Variants in NGF observed in about 807,000 individuals in gnomAD.
The protein encoded by NGF is beta-nerve growth factor.
NGF carries 4 observed loss-of-function variants against 12.8 expected under a neutral mutation model. The ratio of observed to expected loss-of-function variants is 0.31; its 90% confidence interval spans 0.15 to 0.72. The LOEUF (loss-of-function observed/expected upper bound fraction) is 0.72. Among genes scored for constraint, NGF ranks in the 30% least tolerant of loss-of-function variants. The pLI, the probability that NGF is intolerant of heterozygous loss-of-function variation, is 0.69. For synonymous variants in NGF, 140 were observed against 130.0 expected (o/e 1.08, Z -0.52); for missense variants, 283 against 330.8 (o/e 0.86, Z 1.12).
At chr1:115,301,293 C>T (rs564627379) in intron 1 of NGF, among the ~76,000 whole-genome samples, 22 of 152,174 alleles carry the variant, frequency 1.4e-4, no homozygotes, top group African/African-American at 4.8e-4. Flanking sequence ...ACACAATCAC[C>T]GCACTTCTCA....
At chr1:115,321,627 T>C (rs1364377034) in intron 1 of NGF, among the ~76,000 whole-genome samples, 1 of 124,484 alleles carries the variant, frequency 8.0e-6, no homozygotes, top group Non-Finnish European at 1.7e-5. Context: ...TGTGTGTGTG[T>C]GTCATAGCCA....
chr1:115,298,525 T>A (rs1173612711), intron 1 of NGF, among the ~76,000 whole-genome samples: 2 of 151,924 alleles, frequency 1.3e-5, no homozygotes, highest in Admixed American at 6.5e-5. Context: ...AAGGCATTCC[T>A]AGTGAGTTTC....
At chr1:115,312,670 C>T (rs1343006146) in intron 1 of NGF, among the ~76,000 whole-genome samples, 1 of 152,128 alleles carries the variant, frequency 6.6e-6, no homozygotes, top group East Asian at 1.9e-4. Context: ...AGAGCCTGGC[C>T]TGTACAAGCC....
chr1:115,301,632 T>C (rs1654038691), intron 1 of NGF, among the ~76,000 whole-genome samples: 3 of 152,220 alleles, frequency 2.0e-5, no homozygotes, highest in African/African-American at 7.2e-5. Flanking sequence ...TGGCTGGCCA[T>C]GCACATGCTC....
chr1:115,298,822 T>C (rs778397776), intron 1 of NGF, among the ~76,000 whole-genome samples: 15 of 151,626 alleles, frequency 9.9e-5, no homozygotes, highest in Non-Finnish European at 1.9e-4. Flanking sequence ...TTCTCCTAGT[T>C]TCCACCCAGG....
At chr1:115,328,764 C>T (rs1327935592) in intron 1 of NGF, among the ~76,000 whole-genome samples, 2 of 152,144 alleles carry the variant, frequency 1.3e-5, no homozygotes, top group African/African-American at 4.8e-5. Context: ...CATGAAAGGC[C>T]ATGCTACCCA....
At chr1:115,313,242 G>A (rs1654380315) in intron 1 of NGF, among the ~76,000 whole-genome samples, 1 of 152,194 alleles carries the variant, frequency 6.6e-6, no homozygotes, top group African/African-American at 2.4e-5. Flanking sequence ...TACTACTTTG[G>A]TCTGTTGTAA....
chr1:115,300,931 T>G (rs943253668), intron 1 of NGF, among the ~76,000 whole-genome samples: 1 of 152,214 alleles, frequency 6.6e-6, no homozygotes, highest in Admixed American at 6.5e-5. Context: ...GGTGGTTAAC[T>G]CTAATGAAGG....
intron 1 of NGF, among the ~76,000 whole-genome samples, chr1:115,295,549 A>G (rs1224587167): frequency 6.6e-6 from 1 of 152,132 alleles, no homozygotes; most frequent in Non-Finnish European, 1.5e-5. Context: ...TCTAGTCCAT[A>G]AACCCTTCAT....
intron 1 of NGF, among the ~76,000 whole-genome samples, chr1:115,303,841 G>C (rs572664866): frequency 9.6e-4 from 147 of 152,348 alleles, no homozygotes; most frequent in Non-Finnish European, 1.6e-3. Flanking sequence ...GCTGAGCCTT[G>C]AGGTCATTTA....
At chr1:115,335,559 T>C (rs1655088783) in intron 1 of NGF, among the ~76,000 whole-genome samples, 2 of 152,242 alleles carry the variant, frequency 1.3e-5, no homozygotes, top group African/African-American at 2.4e-5. Flanking sequence ...ATGGGTTGTT[T>C]GCACACAGAT....
intron 1 of NGF, among the ~76,000 whole-genome samples, chr1:115,329,308 C>A (rs984101122): frequency 6.6e-6 from 1 of 152,130 alleles, no homozygotes; most frequent in African/African-American, 2.4e-5. Context: ...ACTTAATCTA[C>A]ACAACAGCTA....
intron 1 of NGF, among the ~76,000 whole-genome samples, chr1:115,296,505 T>A (rs1653874088): frequency 6.6e-6 from 1 of 152,230 alleles, no homozygotes; most frequent in African/African-American, 2.4e-5. Flanking sequence ...TTCGGGTGTC[T>A]ACTATAAGCC....
At position 115,285,954 on chromosome 1, in the gene NGF, C is replaced by T. The variant is rs1483864751; in HGVS notation, c.*116G>A. 2.2e-6 allele frequency: 3 copies of T among 1,366,980 alleles called. No individual in the cohort carries two copies. The highest frequency in any genetic ancestry group is 2.9e-6 in the Non-Finnish European group (3 of 1,023,122). The allele number at this position is 1,366,980 out of a possible 1,614,324, so 84.7% of individuals were successfully genotyped here. On this transcript the variant is annotated 3_prime_UTR_variant, in exon 3 of 3. Coordinates refer to ENST00000369512, the MANE Select transcript of NGF (RefSeq NM_002506.3). The stretch of plus-strand genomic sequence containing the variant: ...TTTAATAAATAATGATTCTTTAAAA[C>T]TGTATAAACTATAAATTACCATGCA...
intron 1 of NGF, among the ~76,000 whole-genome samples, chr1:115,299,256 C>A (rs1653962382): frequency 6.6e-6 from 1 of 152,090 alleles, no homozygotes; most frequent in Non-Finnish European, 1.5e-5. Context: ...AGTGCCCTGG[C>A]AATTTTCTTA....
chr1:115,322,225 T>C (rs887871176), intron 1 of NGF, among the ~76,000 whole-genome samples: 6 of 152,196 alleles, frequency 3.9e-5, no homozygotes, highest in Non-Finnish European at 8.8e-5. Flanking sequence ...AAAAGCTAAG[T>C]CTGGGCGCCT....
At chr1:115,313,561 T>A (rs1654393508) in intron 1 of NGF, among the ~76,000 whole-genome samples, 1 of 152,258 alleles carries the variant, frequency 6.6e-6, no homozygotes, top group South Asian at 2.1e-4. Flanking sequence ...ATAGTAAGTT[T>A]CTTTATTAAA....
chr1:115,321,117 C>G (rs974545089), intron 1 of NGF, among the ~76,000 whole-genome samples: 1 of 152,166 alleles, frequency 6.6e-6, no homozygotes, highest in South Asian at 2.1e-4. Flanking sequence ...TGGACCAGCA[C>G]GTGGAACTCT....
In NGF at chr1:115,286,284, T is replaced by C. The variant is rs375808064; in HGVS notation, c.512A>G (p.Lys171Arg). The C allele has an allele frequency of 1.1e-5, 18 of 1,614,020 alleles. No homozygotes were observed. The highest frequency in any genetic ancestry group is 1.4e-5 in the Non-Finnish European group (17 of 1,180,034). Residue 171 changes from lysine (K) to arginine (R), a missense_variant, in exon 3 of 3, where the codon AAA becomes AGA. Coordinates refer to ENST00000369512, the MANE Select transcript of NGF (RefSeq NM_002506.3). ...GEVNINNSVF[K>R]QYFFETKCRD... is the part of the protein sequence containing the mutation. ...GCACTTGGTCTCAAAAAAGTACTGT[T>C]TGAATACACTGTTGTTAATGTTCAC...
Sources: allele counts gnomAD v4.1 joint callset (sites outside exome capture counted in the v4.1 genomes callset), GRCh38; gene constraint gnomAD v4.1.1; transcripts MANE v1.5; gene names NCBI Gene and HGNC (gene_info 2026-07-23, HGNC 2026-07-21).